ITK: variants seen among roughly 807,000 people sequenced by gnomAD.
ITK encodes IL2 inducible T cell kinase.
A neutral mutation model predicts 87.6 loss-of-function variants in ITK; 45 were observed. The observed-to-expected ratio is 0.51, with a 90% CI of 0.40 to 0.66. ITK has a LOEUF of 0.66. ITK is among the 30% of genes least tolerant of loss of function. ITK has a pLI of 0.00. For synonymous variants in ITK, 303 were observed against 273.6 expected, an observed-to-expected ratio of 1.11 and a Z score of -1.06; for missense variants, 605 against 766.3, an observed-to-expected ratio of 0.79 and a Z score of 2.48.
chr5:157,188,386 C>G (rs1753687322), intron 1 of ITK, among the ~76,000 whole-genome samples: 1 of 152,180 alleles, frequency 6.6e-6, no homozygotes, highest in Admixed American at 6.5e-5. Flanking sequence ...TCCCAGCCTG[C>G]CTTCTTTATT....
intron 1 of ITK, among the ~76,000 whole-genome samples, chr5:157,202,337 C>T (rs1753994199): frequency 6.6e-6 from 1 of 152,126 alleles, no homozygotes; most frequent in Non-Finnish European, 1.5e-5. Context: ...CCTCAGCCAC[C>T]CAAGTGCCTG....
At chr5:157,242,779 C>G (rs1754937676) in intron 11 of ITK, among the ~76,000 whole-genome samples, 1 of 152,156 alleles carries the variant, frequency 6.6e-6, no homozygotes, top group Non-Finnish European at 1.5e-5. Flanking sequence ...TTTAAACAAG[C>G]ATGCTAGGTG....
chr5:157,251,577 C>G (rs1755139182), intron 16 of ITK, among the ~76,000 whole-genome samples: 1 of 152,156 alleles, frequency 6.6e-6, no homozygotes. Flanking sequence ...TTGCCAAGCC[C>G]AATGTCACCC....
chr5:157,247,765 T>G (rs1290188645), intron 15 of ITK, among the ~76,000 whole-genome samples: 1 of 152,232 alleles, frequency 6.6e-6, no homozygotes, highest in Non-Finnish European at 1.5e-5. Context: ...ATCAGCCCAT[T>G]GGACTTTGTC....
Position 157,252,775 on chromosome 5 carries a change from C to A in ITK, c.*97C>A. 1.0e-6 allele frequency: 1 copy of A among 968,164 alleles called. No homozygotes were observed. The highest frequency in any genetic ancestry group is 1.7e-6 in the Non-Finnish European group (1 of 598,630). 60.0% of individuals were successfully genotyped at this position (968,164 alleles called of 1,614,324 possible). On this transcript the variant is annotated 3_prime_UTR_variant, in exon 17 of 17. Transcript: ENST00000422843. ...ATTAGAAGCTGCCACCAGCCCAGGACCCTCCAGAGGCAGCCTGGCCTGTGG... is the reference window on the plus strand; with the variant it reads ...ATTAGAAGCTGCCACCAGCCCAGGAACCTCCAGAGGCAGCCTGGCCTGTGG...
At chr5:157,246,843 G>A (rs930583946) in intron 15 of ITK, among the ~76,000 whole-genome samples, 1 of 152,154 alleles carries the variant, frequency 6.6e-6, no homozygotes, top group South Asian at 2.1e-4. Context: ...AGAACAACAG[G>A]CAATGAAGCT....
Position 157,218,478 on chromosome 5 carries a change from C to G in ITK, c.495+571C>G, listed in dbSNP as rs1302598393. On this transcript the variant is annotated intron_variant, in intron 5 of 16. Transcript: ENST00000422843. ...GCCATGACTGTGTGCCACTGCACTTCAACCCGGGTGACAGAGCAAGACCCC... is the reference window on the plus strand; with the variant it reads ...GCCATGACTGTGTGCCACTGCACTTGAACCCGGGTGACAGAGCAAGACCCC... 4.9e-5 allele frequency among the ~76,000 whole-genome samples: 7 copies of G among 142,590 alleles called. No individual in the cohort carries two copies. In the South Asian group the frequency reaches 1.4e-3, roughly 28 times the overall value. The allele number at this position is 142,590 out of a possible 152,430, so 93.5% of individuals were successfully genotyped here.
At chr5:157,229,640 G>A (rs1037083104) in intron 7 of ITK, among the ~76,000 whole-genome samples, 3 of 152,208 alleles carry the variant, frequency 2.0e-5, no homozygotes, top group Non-Finnish European at 4.4e-5. Context: ...GAGGTCGGGC[G>A]CAGTGGCCCA....
chr5:157,196,936 C>T (rs1368657873), intron 1 of ITK, among the ~76,000 whole-genome samples: 1 of 152,174 alleles, frequency 6.6e-6, no homozygotes, highest in East Asian at 1.9e-4. Flanking sequence ...ACAGAGGATG[C>T]CTTGAGAATC....
chr5:157,221,604 A>T (rs986248971), intron 5 of ITK, among the ~76,000 whole-genome samples: 3 of 152,108 alleles, frequency 2.0e-5, no homozygotes, highest in Non-Finnish European at 2.9e-5. Flanking sequence ...AAAAAAATAC[A>T]TGTCCAGTGT....
intron 11 of ITK, among the ~76,000 whole-genome samples, chr5:157,242,187 T>G (rs1307725742): frequency 6.6e-6 from 1 of 152,194 alleles, no homozygotes; most frequent in Non-Finnish European, 1.5e-5. Context: ...CCTTTAGGCG[T>G]GGCATGATCT....
At chr5:157,238,898 T>C (rs1335643412) in intron 9 of ITK, among the ~76,000 whole-genome samples, 1 of 152,218 alleles carries the variant, frequency 6.6e-6, no homozygotes, top group Non-Finnish European at 1.5e-5. Flanking sequence ...ATGACCAAAG[T>C]GCAGTCAGAA....
intron 5 of ITK, among the ~76,000 whole-genome samples, chr5:157,219,598 G>A (rs528519625): frequency 1.3e-5 from 2 of 152,252 alleles, no homozygotes; most frequent in Admixed American, 1.3e-4. Flanking sequence ...CAAAGCCCCA[G>A]CCTGGTGTTT....
intron 1 of ITK, among the ~76,000 whole-genome samples, chr5:157,202,753 C>T (rs1754001563): frequency 6.6e-6 from 1 of 152,132 alleles, no homozygotes; most frequent in Non-Finnish European, 1.5e-5. Flanking sequence ...TTGGGTTAAA[C>T]AAAATTTATT....
intron 11 of ITK, 74 bp from the exon 12 acceptor site, chr5:157,243,549 T>C: frequency 8.0e-7 from 1 of 1,256,756 alleles, no homozygotes; most frequent in Non-Finnish European, 1.2e-6. Context: ...GTTAGGGCTT[T>C]ATAGTCCCCT....
Position 157,201,520 on chromosome 5 carries a change from C to T in ITK, c.139-7369C>T, listed in dbSNP as rs189613027. ...CCATGTTGGCTAGGCTGGTCTCAAA[C>T]TCCTGACCTCAAGTAATCCACCTGC... On this transcript the variant is annotated intron_variant, in intron 1 of 16. Transcript: ENST00000422843. 4.1e-3 allele frequency among the ~76,000 whole-genome samples: 624 copies of T among 152,080 alleles called. 2 individuals carry two copies. Among genetic ancestry groups the T allele is most frequent in the Middle Eastern group, 6.8e-3 (2 of 294 alleles).
chr5:157,247,282 C>A (rs1008856301), intron 15 of ITK, among the ~76,000 whole-genome samples: 3 of 152,194 alleles, frequency 2.0e-5, no homozygotes, highest in Non-Finnish European at 4.4e-5. Context: ...TATTAACCAA[C>A]CCTTGCAGCT....
chr5:157,225,636 C>T (rs1488349783), intron 6 of ITK, among the ~76,000 whole-genome samples: 1 of 152,102 alleles, frequency 6.6e-6, no homozygotes, highest in Non-Finnish European at 1.5e-5. Context: ...GATTCAGAAC[C>T]ATGGTTTGAG....
At chr5:157,207,948 A>G (rs1048425236) in intron 1 of ITK, among the ~76,000 whole-genome samples, 1 of 152,230 alleles carries the variant, frequency 6.6e-6, no homozygotes, top group African/African-American at 2.4e-5. Flanking sequence ...TTCAGCATTC[A>G]GGACTATGAC....
Sources: allele counts gnomAD v4.1 joint callset (sites outside exome capture counted in the v4.1 genomes callset), GRCh38; gene constraint gnomAD v4.1.1; transcripts MANE v1.5; gene names NCBI Gene and HGNC (gene_info 2026-07-23, HGNC 2026-07-21).